The following BRSK1 variants were observed in gnomAD, a reference collection of about 807,000 sequenced individuals.
BRSK1 encodes the protein serine/threonine-protein kinase BRSK1.
Under a neutral mutation model 86.2 loss-of-function variants are expected in BRSK1, and 17 were observed. The observed-to-expected ratio is 0.20, with a 90% confidence interval of 0.14 to 0.30. BRSK1 has a LOEUF of 0.30. BRSK1 is among the 10% of genes least tolerant of loss of function. BRSK1 has a pLI of 1.00. For missense variants in BRSK1, 719 were observed against 1,071.9 expected, an observed-to-expected ratio of 0.67 and a Z score of 4.60; for synonymous variants, 464 against 440.1, an observed-to-expected ratio of 1.05 and a Z score of -0.68.
chr19:55,301,446 C>T (rs1234135631), intron 7 of BRSK1, 66 bp from the exon 8 acceptor site: 8 of 1,554,910 alleles, frequency 5.1e-6, no homozygotes, highest in Non-Finnish European at 7.0e-6. Context: ...CCGTAGTTCC[C>T]CACCTCCAGT....
Position 55,304,806 on chromosome 19 carries a change from A to T in BRSK1, c.1603A>T (p.Thr535Ser). 6.3e-7 allele frequency: 1 copy of T among 1,575,584 alleles called. No homozygotes were observed. Among genetic ancestry groups the T allele is most frequent in the Non-Finnish European group, 8.6e-7 (1 of 1,164,430 alleles). ...CAGTCCCACCGGGACCCCGGGGACA[A>T]CACCACCCCCCAGCCCCGGCGGTGG... ...RASPTGTPGT[T>S]PPPSPGGGVG... The change falls in exon 14 of 19, where the codon ACA (threonine) becomes TCA (serine). Residue 535 changes from threonine to serine, a missense_variant. By Grantham distance (58) the Thr-to-Ser change is moderately conservative. This residue lies in a region of BRSK1 where 143 missense variants were observed against 120.1 expected (regional missense o/e 1.19). Transcript: ENST00000309383. The surrounding 1 kb of genome is among the most constrained non-coding windows in gnomAD (Gnocchi z 5.2).
At chr19:55,295,522 A>C (rs1478577174) in intron 7 of BRSK1, among the ~76,000 whole-genome samples, 3 of 152,192 alleles carry the variant, frequency 2.0e-5, no homozygotes, top group Non-Finnish European at 2.9e-5. Context: ...TAACCTTTTC[A>C]TTCACAGAAC....
chr19:55,304,724 C>G lies in BRSK1; in HGVS notation c.1521C>G (p.Gly507=). 6.6e-7 allele frequency: 1 copy of G among 1,512,978 alleles called. No homozygotes were observed. The highest frequency in any genetic ancestry group is 8.8e-7 in the Non-Finnish European group (1 of 1,136,104). The allele number at this position is 1,512,978 out of a possible 1,614,324, so 93.7% of individuals were successfully genotyped here. Residue 507 remains glycine, a synonymous_variant, in exon 14 of 19, where the codon GGC becomes GGG. Transcript: ENST00000309383. This position sits in a 1 kb window ranked among gnomAD's most constrained non-coding sequence, Gnocchi z 5.2. The part of the protein sequence containing the change: ...ARSTPLPGPP[G]SPRSSGGTPL... ...CCACACCCCTGCCCGGCCCCCCAGG[C>G]TCCCCGCGCTCCTCTGGCGGGACCC...
chr19:55,292,134 G>A (rs564962752), intron 4 of BRSK1, among the ~76,000 whole-genome samples: 55 of 152,232 alleles, frequency 3.6e-4, no homozygotes, highest in Non-Finnish European at 6.8e-4. Context: ...CCTCTAGGGG[G>A]AGATATTCAA....
rs372052269 is a variant in BRSK1, at chr19:55,312,533, C to CAAAAAAAAA, written c.*486_*494dup. 2 of 25,730 alleles carry CAAAAAAAAA rather than the reference C, an allele frequency of 7.8e-5. No homozygotes were observed. The highest frequency in any genetic ancestry group is 1.8e-4 in the African/African-American group (1 of 5,646). 1.6% of individuals were successfully genotyped at this position (25,730 alleles called of 1,614,324 possible). A position where few individuals can be genotyped will look rare whatever the true frequency, so the allele number is the denominator to read the frequency against. ...TCCGTGTCTCTGATTCCGCCGGCGG[C>CAAAAAAAAA]AAAAAAAAAAAAAAAAAAAAAAAAA... On this transcript the variant is annotated 3_prime_UTR_variant, in exon 19 of 19. Transcript: ENST00000309383.
chr19:55,289,606 C>T lies in BRSK1; in HGVS notation c.444C>T (p.His148=). 6.2e-7 allele frequency: 1 copy of T among 1,614,028 alleles called. No homozygotes were observed. The highest frequency in any genetic ancestry group is 8.5e-7 in the Non-Finnish European group (1 of 1,179,912). The change falls in exon 4 of 19, where the codon CAC becomes CAT. Residue 148 remains histidine, a synonymous_variant. Coordinates refer to ENST00000309383, the MANE Select transcript of BRSK1 (RefSeq NM_032430.2). ...TTGTGTCTGCGCTGGACTTCTGCCA[C>T]AGCTACTCCATCTGGTGAGTGGGCA... ...RQIVSALDFC[H]SYSICHRDLK...
intron 1 of BRSK1, 67 bp downstream of exon 1, chr19:55,284,645 C>T: frequency 8.1e-7 from 1 of 1,238,112 alleles, no homozygotes; most frequent in East Asian, 3.2e-5. Context: ...AGGCGGGACT[C>T]AGGGTATTCA....
At position 55,302,080 on chromosome 19, in the gene BRSK1, C is replaced by T; in HGVS notation, c.826-57C>T. 2 of 1,603,612 alleles carry T rather than the reference C, an allele frequency of 1.2e-6. No homozygotes were observed. The highest frequency in any genetic ancestry group is 1.7e-6 in the Non-Finnish European group (2 of 1,170,414). On this transcript the variant is annotated intron_variant, in intron 8 of 18. Transcript: ENST00000309383. The surrounding 1 kb of genome is among the most constrained non-coding windows in gnomAD (Gnocchi z 6.3). Reference sequence around the variant, plus strand: ...AAAACCACCCCAGTCTTTCATTGCGCGCCTACATGTGCCTACGACCTCACT... The same window carrying T: ...AAAACCACCCCAGTCTTTCATTGCGTGCCTACATGTGCCTACGACCTCACT...
In BRSK1 at chr19:55,294,193, C is replaced by T. The variant is rs1465626499; in HGVS notation, c.576-21C>T. 2 of 1,612,366 alleles carry T rather than the reference C, an allele frequency of 1.2e-6. No individual in the cohort carries two copies. The highest frequency in any genetic ancestry group is 2.2e-5 in the East Asian group (1 of 44,808). Reference sequence around the variant, plus strand: ...GGGGTTTAGAAGCTGGCTGGAGGCTCACATCAGCTCTCTCCCTCAGGTCCC... The same window carrying T: ...GGGGTTTAGAAGCTGGCTGGAGGCTTACATCAGCTCTCTCCCTCAGGTCCC... On this transcript the variant is annotated intron_variant, in intron 5 of 18. Transcript: ENST00000309383. This position sits in a 1 kb window ranked among gnomAD's most constrained non-coding sequence, Gnocchi z 4.9.
Position 55,303,019 on chromosome 19 carries a change from A to G in BRSK1, c.1028+152A>G. 5 of 987,074 alleles carry G rather than the reference A, an allele frequency of 5.1e-6. No homozygotes were observed. Among genetic ancestry groups the G allele is most frequent in the Non-Finnish European group, 7.3e-6 (5 of 683,666 alleles). 61.1% of individuals were successfully genotyped at this position (987,074 alleles called of 1,614,324 possible). A position where few individuals can be genotyped will look rare whatever the true frequency, so the allele number is the denominator to read the frequency against. On this transcript the variant is annotated intron_variant, in intron 10 of 18. Transcript: ENST00000309383. The surrounding 1 kb of genome is among the most constrained non-coding windows in gnomAD (Gnocchi z 5.1). ...TGGGAGTGATGGAACCAGCGGAGAA[A>G]ACGGCCCAGAAACACGCTGAGAAAG... is the stretch of plus-strand genomic sequence containing the variant.
In BRSK1 at chr19:55,305,518, A is replaced by G. The variant is rs2088637068; in HGVS notation, c.1822A>G (p.Ile608Val). The change falls in exon 16 of 19, where the codon ATA becomes GTA. Residue 608 changes from isoleucine (I) to valine (V), a missense_variant. Physicochemically the swap from Ile to Val is conservative, Grantham distance 29 (BLOSUM62 3). Around this residue, in one of 6 missense-constraint regions of BRSK1, gnomAD observed 180 missense variants for 259.4 expected, o/e 0.69. Coordinates refer to ENST00000309383, the MANE Select transcript of BRSK1 (RefSeq NM_032430.2). ...NFISLDKEEQ[I>V]FLVLKDKPLS... ...CATCTCCTTGGACAAAGAAGAACAA[A>G]TATTCCTCGTGCTAAAGGACAAACC... 11 of 1,614,162 alleles carry G rather than the reference A, an allele frequency of 6.8e-6. No individual in the cohort carries two copies. The highest frequency in any genetic ancestry group is 9.3e-6 in the Non-Finnish European group (11 of 1,180,030).
At chr19:55,295,844 C>T (rs1449057275) in intron 7 of BRSK1, among the ~76,000 whole-genome samples, 1 of 152,182 alleles carries the variant, frequency 6.6e-6, no homozygotes, top group Non-Finnish European at 1.5e-5. Context: ...TGGCGCATGC[C>T]TGTAGTCCCA....
rs201393743 is a variant in BRSK1, at chr19:55,305,608, C to G, written c.1890+22C>G. The G allele has an allele frequency of 4.3e-6, 7 of 1,613,512 alleles. No homozygotes were observed. In the East Asian group the frequency reaches 1.1e-4, roughly 26 times the overall value. ...GTCGGTGAGGGGCCTGGGTCCCCAT[C>G]GAGCCTGGCCCCCGCAGAACTACAA... is the stretch of plus-strand genomic sequence containing the variant. On this transcript the variant is annotated intron_variant, in intron 16 of 18. Transcript: ENST00000309383.
chr19:55,287,205 G>C lies in BRSK1; in HGVS notation c.232-9G>C. 6.2e-7 allele frequency: 1 copy of C among 1,614,006 alleles called. No homozygotes were observed. Among genetic ancestry groups the C allele is most frequent in the Non-Finnish European group, 8.5e-7 (1 of 1,179,922 alleles). ...CTTTTCCCGTGTCCCCACCCCTCTT[G>C]ACCCTCAGGTGGAGCGGGAGATCGC... is the stretch of plus-strand genomic sequence containing the variant. On this transcript the variant is annotated splice_polypyrimidine_tract_variant and intron_variant, in intron 2 of 18. Coordinates refer to ENST00000309383, the MANE Select transcript of BRSK1 (RefSeq NM_032430.2). This position sits in a 1 kb window ranked among gnomAD's most constrained non-coding sequence, Gnocchi z 5.3.
rs760557535 is a variant in BRSK1 at position 55,308,631 on chromosome 19, G to A, written c.2090-8G>A. The A allele has an allele frequency of 1.2e-6, 2 of 1,610,152 alleles. No homozygotes were observed. The highest frequency in any genetic ancestry group is 1.7e-6 in the Non-Finnish European group (2 of 1,177,914). ...AGTCAGTGTTTTTCTGCCCGCCTGT[G>A]CCTCTAGGTCCCAGCCGTCGGTTCA... On this transcript the variant is annotated splice_polypyrimidine_tract_variant and splice_region_variant and intron_variant, in intron 17 of 18. Transcript: ENST00000309383.
rs1668548992 is a variant in BRSK1 at position 55,310,777 on chromosome 19, G to A, written c.2180-1134G>A. Among the ~76,000 whole-genome samples the A allele has an allele frequency of 1.3e-5, 2 of 152,068 alleles. No homozygotes were observed. Among genetic ancestry groups the A allele is most frequent in the Admixed American group, 6.6e-5 (1 of 15,244 alleles). ...TAGGGGCAACCGGAAAGCAAATTAG[G>A]TCCACTGGACCCCGTTGCCGAGGAA... On this transcript the variant is annotated intron_variant, in intron 18 of 18. Transcript: ENST00000309383. The surrounding 1 kb of genome is among the most constrained non-coding windows in gnomAD (Gnocchi z 5.0).
Position 55,312,149 on chromosome 19 carries a change from A to G in BRSK1, c.*81A>G, listed in dbSNP as rs2088815875. ...AACTGTGAATCTGTAAATAAGGCCC[A>G]AGGAACATGTCGGGAGGGGGGTGGA... On this transcript the variant is annotated 3_prime_UTR_variant, in exon 19 of 19. Transcript: ENST00000309383. The G allele has an allele frequency of 1.6e-6, 1 of 640,054 alleles. No homozygotes were observed. The allele number at this position is 640,054 out of a possible 1,614,324, so 39.6% of individuals were successfully genotyped here. A position where few individuals can be genotyped will look rare whatever the true frequency, so the allele number is the denominator to read the frequency against.
At chr19:55,305,657 C>G in intron 16 of BRSK1, 71 bp downstream of exon 16, 1 of 1,605,766 alleles carries the variant, frequency 6.2e-7, no homozygotes, top group Non-Finnish European at 8.5e-7. Context: ...CTGGGGCTAA[C>G]CACCTTAGCA....
Position 55,303,155 on chromosome 19 carries a change from G to C in BRSK1, c.1029-156G>C. 1 of 663,368 alleles carries C rather than the reference G, an allele frequency of 1.5e-6. No homozygotes were observed. Among genetic ancestry groups the C allele is most frequent in the African/African-American group, 1.8e-5 (1 of 55,296 alleles). The allele number at this position is 663,368 out of a possible 1,614,324, so 41.1% of individuals were successfully genotyped here. Reference sequence around the variant, plus strand: ...TTATAATTGAGTGAAACACAGCTGAGATGTACCCTAAACCAGAGAAACTGA... The same window carrying C: ...TTATAATTGAGTGAAACACAGCTGACATGTACCCTAAACCAGAGAAACTGA... On this transcript the variant is annotated intron_variant, in intron 10 of 18. Coordinates refer to ENST00000309383, the MANE Select transcript of BRSK1 (RefSeq NM_032430.2). This position sits in a 1 kb window ranked among gnomAD's most constrained non-coding sequence, Gnocchi z 5.1.
Sources: allele counts gnomAD v4.1 joint callset (sites outside exome capture counted in the v4.1 genomes callset), GRCh38; gene constraint gnomAD v4.1.1; regional missense constraint gnomAD v4.1.1; non-coding constraint Gnocchi (gnomAD v3.1); transcripts MANE v1.5; gene names NCBI Gene and HGNC (gene_info 2026-07-23, HGNC 2026-07-21).